LRRC4: variants seen among roughly 807,000 people sequenced by gnomAD.
LRRC4 encodes the protein leucine rich repeat containing 4, also known as leucine-rich repeat-containing protein 4.
LRRC4 carries 11 observed loss-of-function variants against 37.9 expected under a neutral mutation model. The observed-to-expected ratio is 0.29, with a 90% CI of 0.18 to 0.48. The LOEUF (loss-of-function observed/expected upper bound fraction) is 0.48, where lower values mean the gene tolerates loss of function less well. Ranked by LOEUF, LRRC4 falls within the 20% of genes least tolerant of loss-of-function variation. The probability of loss-of-function intolerance (pLI) is 0.99; values close to 1 mark genes in which losing one functional copy is unlikely to be tolerated. For synonymous variants in LRRC4, 404 were observed against 346.7 expected (o/e 1.17, Z -1.84); for missense variants, 717 against 842.1 (o/e 0.85, Z 1.84).
chr7:128,030,281 G>T lies in LRRC4; in HGVS notation c.360C>A (p.Asn120Lys). 6.2e-7 allele frequency: 1 copy of T among 1,614,150 alleles called. No homozygotes were observed. Among genetic ancestry groups the T allele is most frequent in the Non-Finnish European group, 8.5e-7 (1 of 1,180,014 alleles). The change falls in exon 2 of 2, where the codon AAC (asparagine) becomes AAA (lysine). Residue 120 changes from asparagine (N) to lysine (K), a missense_variant. Around this residue, in one of 5 missense-constraint regions of LRRC4, gnomAD observed 138 missense variants for 261.0 expected, o/e 0.53. Transcript: ENST00000249363. ...SIRQIEVGAF[N>K]GLASLNTLEL... ...CCAGGGTGTTGAGGCTGGCCAGGCC[G>T]TTGAAGGCCCCCACCTCAATCTGCC...
rs1217614410 is a variant in LRRC4 at position 128,030,801 on chromosome 7, C to T, written c.-100-61G>A. Reference sequence around the variant, plus strand: ...ACGGAGCGGATCGGCCGAAAAAAATCCTGCCAAACTCGAGCGGCCCCTGGT... The same window carrying T: ...ACGGAGCGGATCGGCCGAAAAAAATTCTGCCAAACTCGAGCGGCCCCTGGT... On this transcript the variant is annotated intron_variant, in intron 1 of 1. Transcript: ENST00000249363. The T allele has an allele frequency of 7.6e-6, 7 of 918,554 alleles. No homozygotes were observed. In the East Asian group the frequency reaches 2.0e-4, roughly 26 times the overall value. The allele number at this position is 918,554 out of a possible 1,614,324, so 56.9% of individuals were successfully genotyped here.
Position 128,028,130 on chromosome 7 carries a change from G to T in LRRC4, c.*549C>A, listed in dbSNP as rs1803532441. The T allele has an allele frequency of 6.5e-6, 1 of 152,674 alleles. No homozygotes were observed. Among genetic ancestry groups the T allele is most frequent in the Non-Finnish European group, 1.5e-5 (1 of 68,138 alleles). The allele number at this position is 152,674 out of a possible 1,614,324, so 9.5% of individuals were successfully genotyped here. A position where few individuals can be genotyped will look rare whatever the true frequency, so the allele number is the denominator to read the frequency against. The stretch of plus-strand genomic sequence containing the variant: ...GTCTATCTTCCCCTTAGCCTCTGAA[G>T]AAAAATATTATTGCCACTATCATTT... On this transcript the variant is annotated 3_prime_UTR_variant, in exon 2 of 2. Transcript: ENST00000249363.
chr7:128,029,215 C>T lies in LRRC4; in HGVS notation c.1426G>A (p.Val476Ile). The T allele has an allele frequency of 6.2e-7, 1 of 1,614,116 alleles. No individual in the cohort carries two copies. The highest frequency in any genetic ancestry group is 1.1e-5 in the South Asian group (1 of 91,074). ...TGGTAACCAGTGGACGTGGTAGGAACAGGCTTGTACTTTCGCGTTGTGTCC... is the reference window on the plus strand; with the variant it reads ...TGGTAACCAGTGGACGTGGTAGGAATAGGCTTGTACTTTCGCGTTGTGTCC... ...PEDTTRKYKP[V>I]PTTSTGYQPA... The change falls in exon 2 of 2, where the codon GTT (valine) becomes ATT (isoleucine). Residue 476 changes from valine (V) to isoleucine (I), a missense_variant. Coordinates refer to ENST00000249363, the MANE Select transcript of LRRC4 (RefSeq NM_022143.5). The surrounding 1 kb of genome is among the most constrained non-coding windows in gnomAD (Gnocchi z 4.2).
At position 128,028,716 on chromosome 7, in the gene LRRC4, G is replaced by A. The variant is rs117070316; in HGVS notation, c.1925C>T (p.Thr642Ile). The change falls in exon 2 of 2, where the codon ACC becomes ATC. Residue 642 changes from threonine (T) to isoleucine (I), a missense_variant. This residue lies in a region of LRRC4 where 140 missense variants were observed against 137.2 expected (regional missense o/e 1.02). Transcript: ENST00000249363. ...TTISEPYIIQ[T>I]HTKDKVQETQ... ...TTCCTGTACCTTGTCCTTGGTATGG[G>A]TCTGAATTATATAAGGTTCAGAGAT... The A allele has an allele frequency of 6.2e-7, 1 of 1,613,978 alleles. No homozygotes were observed. The highest frequency in any genetic ancestry group is 8.5e-7 in the Non-Finnish European group (1 of 1,179,970).
chr7:128,031,987 C>A (rs1792629326), upstream of LRRC4: 1 of 149,740 alleles, frequency 6.7e-6, no homozygotes, highest in Admixed American at 6.6e-5. Context: ...GCAGCAGCAG[C>A]AGCGGGGCCC....
In LRRC4 at chr7:128,030,514, G is replaced by A. The variant is rs766627119; in HGVS notation, c.127C>T (p.Pro43Ser). ...AAIAAAASAGPQNCPSVCSCS... is the reference protein window; with the variant it reads ...AAIAAAASAGSQNCPSVCSCS... ...GAGCAGACGGAGGGGCAGTTCTGGG[G>A]CCCGGCTGAGGCGGCAGCAGCGATG... Residue 43 changes from proline (P) to serine (S), a missense_variant, in exon 2 of 2, where the codon CCC becomes TCC. Pro to Ser is a moderately conservative substitution (Grantham distance 74). This residue lies in a region of LRRC4 where 127 missense variants were observed against 134.8 expected (regional missense o/e 0.94). Coordinates refer to ENST00000249363, the MANE Select transcript of LRRC4 (RefSeq NM_022143.5). 6.2e-7 allele frequency: 1 copy of A among 1,613,322 alleles called. No individual in the cohort carries two copies. The highest frequency in any genetic ancestry group is 8.5e-7 in the Non-Finnish European group (1 of 1,179,924).
chr7:128,027,463 G>A lies in LRRC4; in HGVS notation c.*1216C>T, dbSNP rs6944446. Reference sequence around the variant, plus strand: ...GTTGGGAAAGGCTTCATTACTTTACGTGAGCCTGTACCCTTTTCGTCTCTC... The same window carrying A: ...GTTGGGAAAGGCTTCATTACTTTACATGAGCCTGTACCCTTTTCGTCTCTC... On this transcript the variant is annotated 3_prime_UTR_variant, in exon 2 of 2. Transcript: ENST00000249363. 0.57 allele frequency: 86,960 copies of A among 152,274 alleles called. 25,799 individuals are homozygous for A. Among genetic ancestry groups the A allele is most frequent in the African/African-American group, 0.72 (29,716 of 41,372 alleles). The allele number at this position is 152,274 out of a possible 1,614,324, so 9.4% of individuals were successfully genotyped here.
In LRRC4 at chr7:128,030,164, G is replaced by C; in HGVS notation, c.477C>G (p.Ile159Met). Residue 159 changes from isoleucine (I) to methionine (M), a missense_variant, in exon 2 of 2, where the codon ATC (isoleucine) becomes ATG (methionine). Physicochemically the swap from Ile to Met is conservative, Grantham distance 10. Coordinates refer to ENST00000249363, the MANE Select transcript of LRRC4 (RefSeq NM_022143.5). ...LRELWLRNNP[I>M]ESIPSYAFNR... ...TGAAGGCGTAAGAGGGGATGCTTTC[G>C]ATGGGGTTGTTGCGAAGCCAGAGCT... The C allele has an allele frequency of 6.2e-7, 1 of 1,614,214 alleles. No homozygotes were observed. The highest frequency in any genetic ancestry group is 8.5e-7 in the Non-Finnish European group (1 of 1,180,048).
rs1320972044 is a variant in LRRC4, at chr7:128,031,046, AG to A, written c.-235del. 1 of 11,672 alleles carries A rather than the reference AG, an allele frequency of 8.6e-5. No homozygotes were observed. Among genetic ancestry groups the A allele is most frequent in the Non-Finnish European group, 1.9e-4 (1 of 5,386 alleles). The allele number at this position is 11,672 out of a possible 1,614,324, so 0.7% of individuals were successfully genotyped here. A position where few individuals can be genotyped will look rare whatever the true frequency, so the allele number is the denominator to read the frequency against. On this transcript the variant is annotated 5_prime_UTR_variant, in exon 1 of 2. Coordinates refer to ENST00000249363, the MANE Select transcript of LRRC4 (RefSeq NM_022143.5). ...GAAGTGGTGGGGGCGGGGAGGGCAG[AG>A]GGGAGGGGAGGGGAGGGGAGGGAAG...
In LRRC4 at chr7:128,030,928, G is replaced by T. The variant is rs907705676; in HGVS notation, c.-116C>A. ...CGTCACCTACCTCGGAAGGAAGGCA[G>T]GAAAGCACTGGCGTGGTGTCCTTAA... On this transcript the variant is annotated 5_prime_UTR_variant, in exon 1 of 2. The change creates a new upstream start codon in the 5' untranslated region. Transcript: ENST00000249363. 5.2e-5 allele frequency: 17 copies of T among 323,984 alleles called. No homozygotes were observed. Among genetic ancestry groups the T allele is most frequent in the African/African-American group, 2.3e-4 (11 of 47,064 alleles). 20.1% of individuals were successfully genotyped at this position (323,984 alleles called of 1,614,324 possible).
rs762943168 is a variant in LRRC4 at position 128,030,488 on chromosome 7, C to A, written c.153G>T (p.Ser51=). 7 of 1,613,330 alleles carry A rather than the reference C, an allele frequency of 4.3e-6. No homozygotes were observed. In the African/African-American group the frequency reaches 9.3e-5, roughly 22 times the overall value. The stretch of plus-strand genomic sequence containing the variant: ...CCACCTTGCTGAACTGGTTACTGCA[C>A]GAGCAGACGGAGGGGCAGTTCTGGG... The part of the protein sequence containing the change: ...AGPQNCPSVC[S]CSNQFSKVVC... The change falls in exon 2 of 2, where the codon TCG becomes TCT. Residue 51 remains serine (S), a synonymous_variant. Coordinates refer to ENST00000249363, the MANE Select transcript of LRRC4 (RefSeq NM_022143.5).
chr7:128,029,389 C>G lies in LRRC4; in HGVS notation c.1252G>C (p.Asp418His), dbSNP rs1178453296. The G allele has an allele frequency of 1.9e-6, 3 of 1,614,212 alleles. No homozygotes were observed. The South Asian group carries it at 3.3e-5, about 18-fold the overall frequency. ...TLNFSHVLLS[D>H]TGVYTCMVTN... ...ACCATGCATGTGTACACCCCAGTGT[C>G]TGAAAGCAGCACGTGGGAAAAGTTC... The change falls in exon 2 of 2, where the codon GAC becomes CAC. Residue 418 changes from aspartate (D) to histidine (H), a missense_variant. Asp to His is a moderately conservative substitution (Grantham distance 81). Around this residue, in one of 5 missense-constraint regions of LRRC4, gnomAD observed 293 missense variants for 268.3 expected, o/e 1.09. Coordinates refer to ENST00000249363, the MANE Select transcript of LRRC4 (RefSeq NM_022143.5). This position sits in a 1 kb window ranked among gnomAD's most constrained non-coding sequence, Gnocchi z 4.2.
rs1341318081 is a variant in LRRC4 at position 128,031,046 on chromosome 7, AGGGGAGGGGAGGGGAGG to A, written c.-251_-235del. 1 of 11,672 alleles carries A rather than the reference AGGGGAGGGGAGGGGAGG, an allele frequency of 8.6e-5. No homozygotes were observed. The highest frequency in any genetic ancestry group is 1.9e-4 in the Non-Finnish European group (1 of 5,386). The allele number at this position is 11,672 out of a possible 1,614,324, so 0.7% of individuals were successfully genotyped here. A position where few individuals can be genotyped will look rare whatever the true frequency, so the allele number is the denominator to read the frequency against. On this transcript the variant is annotated 5_prime_UTR_variant, in exon 1 of 2. Transcript: ENST00000249363. ...GAAGTGGTGGGGGCGGGGAGGGCAG[AGGGGAGGGGAGGGGAGG>A]GGAGGGAAGGGGTGGGGGAGACAAA...
rs962008221 is a variant in LRRC4 at position 128,030,377 on chromosome 7, C to G, written c.264G>C (p.Gln88His). 30 of 1,613,848 alleles carry G rather than the reference C, an allele frequency of 1.9e-5. No individual in the cohort carries two copies. Among genetic ancestry groups the G allele is most frequent in the African/African-American group, 4.0e-5 (3 of 74,914 alleles). Residue 88 changes from glutamine (Q) to histidine (H), a missense_variant, in exon 2 of 2, where the codon CAG (glutamine) becomes CAC (histidine). Gln to His is a conservative substitution (Grantham distance 24). Around this residue, in one of 5 missense-constraint regions of LRRC4, gnomAD observed 127 missense variants for 134.8 expected, o/e 0.94. Transcript: ENST00000249363. ...GGCGGAAGGTGTCGGCCTGGATCAT[C>G]TGGATGTTGTTCTCCATGAGGTTGA... ...RYLNLMENNI[Q>H]MIQADTFRHL...
In LRRC4 at chr7:128,030,712, T is replaced by C. The variant is rs576090746; in HGVS notation, c.-72A>G. 242 of 1,496,502 alleles carry C rather than the reference T, an allele frequency of 1.6e-4. 2 individuals are homozygous for C. The South Asian group carries it at 1.9e-3, about 12-fold the overall frequency. 92.7% of individuals were successfully genotyped at this position (1,496,502 alleles called of 1,614,324 possible). A position where few individuals can be genotyped will look rare whatever the true frequency, so the allele number is the denominator to read the frequency against. On this transcript the variant is annotated 5_prime_UTR_variant, in exon 2 of 2. Transcript: ENST00000249363. ...AAAGGAGAACCAGCCCTACCCCGGC[T>C]TAAGTGAGCTAGGAGCTCCTCTTTC...
In LRRC4 at chr7:128,028,130, G is replaced by A. The variant is rs1803532441; in HGVS notation, c.*549C>T. 6.5e-6 allele frequency: 1 copy of A among 152,674 alleles called. No individual in the cohort carries two copies. Among genetic ancestry groups the A allele is most frequent in the African/African-American group, 2.4e-5 (1 of 41,408 alleles). 9.5% of individuals were successfully genotyped at this position (152,674 alleles called of 1,614,324 possible). On this transcript the variant is annotated 3_prime_UTR_variant, in exon 2 of 2. Coordinates refer to ENST00000249363, the MANE Select transcript of LRRC4 (RefSeq NM_022143.5). ...GTCTATCTTCCCCTTAGCCTCTGAAGAAAAATATTATTGCCACTATCATTT... is the reference window on the plus strand; with the variant it reads ...GTCTATCTTCCCCTTAGCCTCTGAAAAAAAATATTATTGCCACTATCATTT...
In LRRC4 at chr7:128,029,587, C is replaced by T; in HGVS notation, c.1054G>A (p.Ala352Thr). Residue 352 changes from alanine to threonine, a missense_variant, in exon 2 of 2, where the codon GCC (alanine) becomes ACC (threonine). Around this residue, in one of 5 missense-constraint regions of LRRC4, gnomAD observed 293 missense variants for 268.3 expected, o/e 1.09. Coordinates refer to ENST00000249363, the MANE Select transcript of LRRC4 (RefSeq NM_022143.5). The surrounding 1 kb of genome is among the most constrained non-coding windows in gnomAD (Gnocchi z 4.2). ...EVDQASFQCSAPFIMDAPRDL... is the reference protein window; with the variant it reads ...EVDQASFQCSTPFIMDAPRDL... ...CGAGGTGCGTCCATGATGAAGGGGG[C>T]AGAGCACTGGAAGGAGGCCTGGTCC... The T allele has an allele frequency of 6.2e-7, 1 of 1,614,012 alleles. No individual in the cohort carries two copies. Among genetic ancestry groups the T allele is most frequent in the Non-Finnish European group, 8.5e-7 (1 of 1,180,020 alleles).
upstream of LRRC4, chr7:128,032,092 G>C (rs888458652): frequency 4.6e-5 from 7 of 151,970 alleles, no homozygotes; most frequent in African/African-American, 1.7e-4. Flanking sequence ...TTGTCCTTCA[G>C]TCAGAACGTG....
In LRRC4 at chr7:128,030,376, T is replaced by C; in HGVS notation, c.265A>G (p.Met89Val). ...TGGCGGAAGGTGTCGGCCTGGATCATCTGGATGTTGTTCTCCATGAGGTTG... is the reference window on the plus strand; with the variant it reads ...TGGCGGAAGGTGTCGGCCTGGATCACCTGGATGTTGTTCTCCATGAGGTTG... ...YLNLMENNIQMIQADTFRHLH... is the reference protein window; with the variant it reads ...YLNLMENNIQVIQADTFRHLH... Residue 89 changes from methionine to valine, a missense_variant, in exon 2 of 2, where the codon ATG becomes GTG. By Grantham distance (21) the Met-to-Val change is conservative. Around this residue, in one of 5 missense-constraint regions of LRRC4, gnomAD observed 127 missense variants for 134.8 expected, o/e 0.94. Transcript: ENST00000249363. 6.2e-7 allele frequency: 1 copy of C among 1,613,918 alleles called. No individual in the cohort carries two copies. Among genetic ancestry groups the C allele is most frequent in the Non-Finnish European group, 8.5e-7 (1 of 1,180,006 alleles).
Sources: gnomAD v4.1 joint callset for allele counts on GRCh38, gnomAD v4.1.1 for gene constraint, gnomAD v4.1.1 regional missense constraint, Gnocchi (gnomAD v3.1) non-coding constraint, MANE v1.5 for transcripts, NCBI Gene and HGNC (gene_info 2026-07-23, HGNC 2026-07-21) for gene names.